Variants in NRXN2 observed in about 807,000 individuals in gnomAD.
NRXN2 encodes the protein neurexin-2-beta.
A neutral mutation model predicts 128.8 loss-of-function variants in NRXN2; 29 were observed. That is an observed-to-expected ratio of 0.23 (90% confidence interval 0.17 to 0.31). The LOEUF (loss-of-function observed/expected upper bound fraction) is 0.31, where lower values mean the gene tolerates loss of function less well. Ranked by LOEUF, NRXN2 falls within the 10% of genes least tolerant of loss-of-function variation. NRXN2 has a pLI of 1.00. For missense variants in NRXN2, 1,881 were observed against 2,452.6 expected (o/e 0.77, Z 4.92); for synonymous variants, 1,098 against 1,075.2 (o/e 1.02, Z -0.41).
At chr11:64,638,816 T>C (rs1392520936) in intron 17 of NRXN2, among the ~76,000 whole-genome samples, 1 of 152,176 alleles carries the variant, frequency 6.6e-6, no homozygotes, top group African/African-American at 2.4e-5. Flanking sequence ...TAGGCCCAGG[T>C]TCGGCACCTT....
chr11:64,696,476 G>A (rs1028619371), intron 3 of NRXN2, among the ~76,000 whole-genome samples: 1 of 151,332 alleles, frequency 6.6e-6, no homozygotes, highest in East Asian at 1.9e-4. Flanking sequence ...CAGACCAGCA[G>A]AGTTGTATAA....
At chr11:64,688,570 A>G in intron 5 of NRXN2, 1 of 985,418 alleles carries the variant, frequency 1.0e-6, no homozygotes, top group Non-Finnish European at 1.2e-6. Flanking sequence ...CTGAAGCACC[A>G]GGGGGCGCTC....
At position 64,648,657 on chromosome 11, in the gene NRXN2, C is replaced by T. The variant is rs568322050; in HGVS notation, c.3283+77G>A. The T allele has an allele frequency of 1.3e-6, 2 of 1,580,726 alleles. No individual in the cohort carries two copies. Among genetic ancestry groups the T allele is most frequent in the Non-Finnish European group, 8.7e-7 (1 of 1,151,602 alleles). ...AGGCCCCTTGGCAGAGCAAAGGCTA[C>T]CTGCCCCGGTCTGCCTCTGCAGCTG... On this transcript the variant is annotated intron_variant, in intron 16 of 22. Transcript: ENST00000265459. The surrounding 1 kb of genome is among the most constrained non-coding windows in gnomAD (Gnocchi z 4.1).
intron 1 of NRXN2, among the ~76,000 whole-genome samples, chr11:64,716,659 G>A (rs1052321011): frequency 3.9e-5 from 6 of 152,230 alleles, no homozygotes; most frequent in Non-Finnish European, 5.9e-5. Context: ...CTGGGCCTGC[G>A]GCCCCTCAAG....
chr11:64,712,348 C>T (rs894616574), intron 2 of NRXN2, among the ~76,000 whole-genome samples: 2 of 151,434 alleles, frequency 1.3e-5, no homozygotes, highest in African/African-American at 2.4e-5. Context: ...CGGTCTCACA[C>T]GAGGTCCTGC....
chr11:64,650,416 G>A (rs1300241588), intron 15 of NRXN2, 32 bp downstream of exon 15: 1 of 1,612,572 alleles, frequency 6.2e-7, no homozygotes, highest in Non-Finnish European at 8.5e-7. Flanking sequence ...TCTGGGCTAG[G>A]GCCAGGCCTT....
At position 64,713,732 on chromosome 11, in the gene NRXN2, G is replaced by C. The variant is rs766559125; in HGVS notation, c.-33C>G. 0.012 allele frequency: 11,701 copies of C among 1,014,764 alleles called. 119 individuals are homozygous for C. The highest frequency in any genetic ancestry group is 0.056 in the South Asian group (1,222 of 22,008). The allele number at this position is 1,014,764 out of a possible 1,614,324, so 62.9% of individuals were successfully genotyped here. ...GCGGCCCCGGCCCCGCCCGGCCCCC[G>C]GCCCCCGCTCAGGCTTCAGAGCCGC... is the stretch of plus-strand genomic sequence containing the variant. On this transcript the variant is annotated 5_prime_UTR_variant, in exon 2 of 23. Coordinates refer to ENST00000265459, the MANE Select transcript of NRXN2 (RefSeq NM_015080.4).
chr11:64,668,375 A>G, intron 8 of NRXN2, 68 bp downstream of exon 8: 1 of 1,592,468 alleles, frequency 6.3e-7, no homozygotes, highest in South Asian at 1.1e-5. Context: ...AGGTCAGACT[A>G]AGTCACGCTG....
chr11:64,641,715 T>C (rs1349080812), intron 17 of NRXN2, among the ~76,000 whole-genome samples: 1 of 151,756 alleles, frequency 6.6e-6, no homozygotes, highest in Non-Finnish European at 1.5e-5. Context: ...TAGATGGTTA[T>C]GAGGGGCAGA....
intron 11 of NRXN2, among the ~76,000 whole-genome samples, chr11:64,657,627 T>C (rs2048453517): frequency 1.3e-5 from 2 of 152,108 alleles, no homozygotes; most frequent in Admixed American, 6.5e-5. Flanking sequence ...GACTCAGAGA[T>C]GGGAAATGAC....
chr11:64,617,162 G>A (rs935439777), intron 22 of NRXN2, among the ~76,000 whole-genome samples: 1 of 134,226 alleles, frequency 7.5e-6, no homozygotes, highest in Non-Finnish European at 1.5e-5. Context: ...AGGTTTGAAC[G>A]TGTGTGTGTG....
intron 4 of NRXN2, among the ~76,000 whole-genome samples, chr11:64,692,549 G>C (rs1398159252): frequency 6.6e-6 from 1 of 152,200 alleles, no homozygotes; most frequent in African/African-American, 2.4e-5. Flanking sequence ...TGGAGACAAC[G>C]GCAGGAGTTC....
rs2039868694 is a variant in NRXN2, at chr11:64,607,697, G to A, written c.4638C>T (p.Ala1546=). 3.9e-6 allele frequency: 6 copies of A among 1,543,178 alleles called. No homozygotes were observed. Among genetic ancestry groups the A allele is most frequent in the Non-Finnish European group, 4.4e-6 (5 of 1,141,524 alleles). The part of the protein sequence containing the change: ...PNLRTDGATG[A]PGVLFAPSAP... ...CGGAGGGGGCAAACAGCACCCCAGG[G>A]GCGCCCGTGGCCCCATCTGTCCTGA... Residue 1546 remains alanine, a synonymous_variant, in exon 23 of 23, where the codon GCC becomes GCT. Coordinates refer to ENST00000265459, the MANE Select transcript of NRXN2 (RefSeq NM_015080.4).
chr11:64,657,517 G>A (rs1448889697), intron 11 of NRXN2, among the ~76,000 whole-genome samples: 1 of 152,106 alleles, frequency 6.6e-6, no homozygotes, highest in African/African-American at 2.4e-5. Flanking sequence ...GGTTTCAATG[G>A]TTTCATTCCC....
rs1184574414 is a variant in NRXN2, at chr11:64,607,841, C to T, written c.4494G>A (p.Gly1498=). 1 of 1,600,194 alleles carries T rather than the reference C, an allele frequency of 6.2e-7. No homozygotes were observed. Among genetic ancestry groups the T allele is most frequent in the Non-Finnish European group, 8.5e-7 (1 of 1,174,018 alleles). ...GGGGGAGGCTGGAGTCAAAGACCTC[C>T]CCGGAGGCGAAGCCCGAGGCCTCGA... The part of the protein sequence containing the change: ...EPIEASGFAS[G]EVFDSSLPPT... The change falls in exon 23 of 23, where the codon GGG becomes GGA. Residue 1498 remains glycine (G), a synonymous_variant. Transcript: ENST00000265459.
rs1453625823 is a variant in NRXN2, at chr11:64,660,389, C to A, written c.2332G>T (p.Ala778Ser). 5.6e-6 allele frequency: 9 copies of A among 1,614,166 alleles called. No homozygotes were observed. Among genetic ancestry groups the A allele is most frequent in the Non-Finnish European group, 7.6e-6 (9 of 1,180,032 alleles). The change falls in exon 11 of 23, where the codon GCC becomes TCC. Residue 778 changes from alanine to serine, a missense_variant. Physicochemically the swap from Ala to Ser is moderately conservative, Grantham distance 99. This residue lies in a region of NRXN2 where 997 missense variants were observed against 1,240.8 expected (regional missense o/e 0.80). Coordinates refer to ENST00000265459, the MANE Select transcript of NRXN2 (RefSeq NM_015080.4). The surrounding 1 kb of genome is among the most constrained non-coding windows in gnomAD (Gnocchi z 5.2). ...TCCAGCTCCAGGCGTAGGGTGTCGG[C>A]AGACTCCCTGGAAGTGGTGGCCATC... ...LMMATTSRES[A>S]DTLRLELDGG...
intron 6 of NRXN2, among the ~76,000 whole-genome samples, 187 bp downstream of exon 6, chr11:64,685,459 C>T (rs1472917157): frequency 6.6e-6 from 1 of 152,180 alleles, no homozygotes; most frequent in South Asian, 2.1e-4. Flanking sequence ...TCCCTGGTCT[C>T]TGAAGCCTGC....
In NRXN2 at chr11:64,714,576, T is replaced by TC. The variant is rs1378037321; in HGVS notation, c.-244-634dup. ...AGGCATCCAATTCTGTGTCTCCAGT[T>TC]CCCCCGAAACCACGCTCACCCCTTC... On this transcript the variant is annotated intron_variant, in intron 1 of 22. Coordinates refer to ENST00000265459, the MANE Select transcript of NRXN2 (RefSeq NM_015080.4). This position sits in a 1 kb window ranked among gnomAD's most constrained non-coding sequence, Gnocchi z 4.5. Among the ~76,000 whole-genome samples, 1 of 151,624 alleles carries TC rather than the reference T, an allele frequency of 6.6e-6. No homozygotes were observed. Among genetic ancestry groups the TC allele is most frequent in the Non-Finnish European group, 1.5e-5 (1 of 67,916 alleles).
Position 64,608,017 on chromosome 11 carries a change from A to C in NRXN2, c.4318T>G (p.Ser1440Ala). 8 of 1,351,790 alleles carry C rather than the reference A, an allele frequency of 5.9e-6. No homozygotes were observed. Among genetic ancestry groups the C allele is most frequent in the Non-Finnish European group, 8.0e-6 (8 of 1,003,180 alleles). The allele number at this position is 1,351,790 out of a possible 1,614,324, so 83.7% of individuals were successfully genotyped here. ...SLDPPPVATR[S>A]PFVPPPPTFY... Reference sequence around the variant, plus strand: ...GTAGGGGGCGGGGGCACGAAGGGGGATCGGGTGGCCACGGGAGGGGGGTCT... The same window carrying C: ...GTAGGGGGCGGGGGCACGAAGGGGGCTCGGGTGGCCACGGGAGGGGGGTCT... The change falls in exon 23 of 23, where the codon TCC (serine) becomes GCC (alanine). Residue 1440 changes from serine to alanine, a missense_variant. This residue lies in a region of NRXN2 where 310 missense variants were observed against 318.2 expected (regional missense o/e 0.97). Coordinates refer to ENST00000265459, the MANE Select transcript of NRXN2 (RefSeq NM_015080.4).
Sources: gnomAD v4.1 joint callset for allele counts (sites outside exome capture counted in the v4.1 genomes callset) on GRCh38, gnomAD v4.1.1 for gene constraint, gnomAD v4.1.1 regional missense constraint, Gnocchi (gnomAD v3.1) non-coding constraint, MANE v1.5 for transcripts, NCBI Gene and HGNC (gene_info 2026-07-23, HGNC 2026-07-21) for gene names.